The following MAP4K4 variants were observed in gnomAD, a reference collection of about 807,000 sequenced individuals.
MAP4K4 encodes the protein mitogen-activated protein kinase kinase kinase kinase 4, also known as HPK/GCK-like kinase HGK.
In MAP4K4, 38 loss-of-function variants were observed where a neutral mutation model predicts 189.6. The ratio of observed to expected loss-of-function variants is 0.20; its 90% CI spans 0.15 to 0.26. MAP4K4 has a LOEUF of 0.26. MAP4K4 is among the 10% of genes least tolerant of loss of function. MAP4K4 has a pLI of 1.00. For synonymous variants in MAP4K4, 610 were observed against 624.3 expected (o/e 0.98, Z 0.34); for missense variants, 1,054 against 1,726.9 (o/e 0.61, Z 6.91).
intron 27 of MAP4K4, among the ~76,000 whole-genome samples, chr2:101,879,884 T>C (rs1046568089): frequency 2.6e-5 from 4 of 152,148 alleles, no homozygotes; most frequent in African/African-American, 9.7e-5. Context: ...TTCAGTATTT[T>C]GCAGTTTAGC....
chr2:101,854,216 A>G (rs1287705909), intron 12 of MAP4K4, among the ~76,000 whole-genome samples: 1 of 152,180 alleles, frequency 6.6e-6, no homozygotes, highest in Non-Finnish European at 1.5e-5. Flanking sequence ...AGTGCAAGAG[A>G]CTTTATAGAT....
At chr2:101,876,083 G>T (rs1224580452) in intron 26 of MAP4K4, among the ~76,000 whole-genome samples, 1 of 152,218 alleles carries the variant, frequency 6.6e-6, no homozygotes, top group Non-Finnish European at 1.5e-5. Flanking sequence ...GGTTTTCTCT[G>T]GCTCTAGTGG....
intron 2 of MAP4K4, among the ~76,000 whole-genome samples, chr2:101,730,077 C>T (rs75984054): frequency 2.6e-5 from 4 of 152,256 alleles, no homozygotes; most frequent in African/African-American, 4.8e-5. Context: ...CCTTAAGATG[C>T]GTCAGTGGAC....
chr2:101,861,815 A>G (rs1018040971), intron 16 of MAP4K4: 1 of 152,184 alleles, frequency 6.6e-6, no homozygotes, highest in African/African-American at 2.4e-5. Flanking sequence ...TCTGTAATCC[A>G]GAATATTAGG....
At chr2:101,718,210 C>T (rs537036070) in intron 2 of MAP4K4, among the ~76,000 whole-genome samples, 15 of 150,540 alleles carry the variant, frequency 1.0e-4, no homozygotes, top group South Asian at 8.4e-4. Context: ...GAGCCAAGAT[C>T]GCGCCATTGC....
At chr2:101,888,557 T>G (rs2098520768) in intron 31 of MAP4K4, among the ~76,000 whole-genome samples, 1 of 152,188 alleles carries the variant, frequency 6.6e-6, no homozygotes, top group South Asian at 2.1e-4. Flanking sequence ...TAGATAGGCG[T>G]GAAAGGCCTA....
chr2:101,844,065 G>C (rs779704817), intron 11 of MAP4K4, 36 bp from the exon 12 acceptor site: 6 of 1,464,228 alleles, frequency 4.1e-6, no homozygotes, highest in Admixed American at 1.8e-5. Flanking sequence ...CAGTGTGATC[G>C]GTGCACACCC....
At chr2:101,829,363 G>A (rs2096514850) in intron 5 of MAP4K4, 141 bp from the exon 6 acceptor site, 1 of 595,700 alleles carries the variant, frequency 1.7e-6, no homozygotes, top group South Asian at 1.9e-5. Context: ...GTCTTCCTGG[G>A]AATGCACTAA....
intron 3 of MAP4K4, among the ~76,000 whole-genome samples, chr2:101,804,490 C>T (rs1044408719): frequency 2.0e-5 from 3 of 152,150 alleles, no homozygotes; most frequent in African/African-American, 7.2e-5. Context: ...CTGTCTTTGT[C>T]AGTTATCTGA....
intron 3 of MAP4K4, among the ~76,000 whole-genome samples, chr2:101,809,307 A>G (rs2095259890): frequency 6.6e-6 from 1 of 151,888 alleles, no homozygotes; most frequent in Admixed American, 6.6e-5. Flanking sequence ...CACTGTAAAT[A>G]ACTTCATAAT....
At chr2:101,764,988 T>C (rs1014636342) in intron 2 of MAP4K4, among the ~76,000 whole-genome samples, 5 of 152,220 alleles carry the variant, frequency 3.3e-5, no homozygotes, top group African/African-American at 1.2e-4. Context: ...TAATATACCA[T>C]TATCAGATGG....
In MAP4K4 at chr2:101,798,916, A is replaced by G. The variant is rs535061850; in HGVS notation, c.180+8140A>G. On this transcript the variant is annotated intron_variant, in intron 3 of 32. Coordinates refer to ENST00000324219, the Ensembl canonical transcript of MAP4K4. The stretch of plus-strand genomic sequence containing the variant: ...AACATTAATCATAAATAACAGCAAG[A>G]CCTCTTACTTACTTTCACACTTAAA... Among the ~76,000 whole-genome samples the G allele has an allele frequency of 1.8e-4, 28 of 152,336 alleles. No homozygotes were observed. In the South Asian group the frequency reaches 5.6e-3, roughly 30 times the overall value.
At chr2:101,789,330 A>T (rs1204475385) in intron 2 of MAP4K4, among the ~76,000 whole-genome samples, 1 of 152,108 alleles carries the variant, frequency 6.6e-6, no homozygotes, top group African/African-American at 2.4e-5. Context: ...CAACTATAGG[A>T]GCTATCATTA....
intron 2 of MAP4K4, among the ~76,000 whole-genome samples, chr2:101,763,022 C>G (rs59126696): frequency 1.3e-5 from 2 of 152,116 alleles, no homozygotes; most frequent in South Asian, 2.1e-4. Context: ...CCAGAAGATT[C>G]TAGCTGCAAA....
chr2:101,872,638 C>T (rs1337529098), intron 24 of MAP4K4, among the ~76,000 whole-genome samples: 1 of 152,190 alleles, frequency 6.6e-6, no homozygotes, highest in Non-Finnish European at 1.5e-5. Flanking sequence ...CCTAGACAGG[C>T]TTGGCATCGG....
intron 32 of MAP4K4, 66 bp downstream of exon 32, chr2:101,889,001 A>T (rs1352084496): frequency 7.5e-7 from 1 of 1,332,786 alleles, no homozygotes; most frequent in East Asian, 2.5e-5. Flanking sequence ...TTTTCCATGG[A>T]GTTTGATGAT....
intron 2 of MAP4K4, among the ~76,000 whole-genome samples, chr2:101,762,556 G>C (rs2076930519): frequency 6.6e-6 from 1 of 152,204 alleles, no homozygotes; most frequent in African/African-American, 2.4e-5. Flanking sequence ...CTGCTGAGTT[G>C]TCAGCTCTTG....
At chr2:101,704,552 TATATATATATA>T (rs2040963902) in intron 2 of MAP4K4, among the ~76,000 whole-genome samples, 1 of 77,614 alleles carries the variant, frequency 1.3e-5, no homozygotes, top group East Asian at 3.4e-4. Flanking sequence ...TATATATATA[TATATATATATA>T]TATATTTTTT....
chr2:101,798,594 C>T (rs1169899232), intron 3 of MAP4K4, among the ~76,000 whole-genome samples: 7 of 152,310 alleles, frequency 4.6e-5, no homozygotes, highest in African/African-American at 7.2e-5. Context: ...GCTTTTATTA[C>T]ACCACATCTC....
Sources: gnomAD v4.1 joint callset for allele counts (sites outside exome capture counted in the v4.1 genomes callset) on GRCh38, gnomAD v4.1.1 for gene constraint, MANE v1.5 for transcripts, NCBI Gene and HGNC (gene_info 2026-07-23, HGNC 2026-07-21) for gene names.